The following CAPN1 variants were observed in gnomAD, a reference collection of about 807,000 sequenced individuals.
The protein encoded by CAPN1 is calpain 1, also known as calpain-1 catalytic subunit.
Under a neutral mutation model 105.2 loss-of-function variants are expected in CAPN1, and 77 were observed. The ratio of observed to expected loss-of-function variants is 0.73; its 90% confidence interval spans 0.61 to 0.88. The LOEUF (loss-of-function observed/expected upper bound fraction) is 0.88, where lower values mean the gene tolerates loss of function less well. CAPN1 is among the 40% of genes least tolerant of loss of function. CAPN1 has a pLI of 0.00. For synonymous variants in CAPN1, 355 were observed against 388.8 expected (o/e 0.91, Z 1.02); for missense variants, 833 against 976.6 (o/e 0.85, Z 1.96).
chr11:65,205,905 CA>C (rs1471818845), intron 12 of CAPN1, 184 bp downstream of exon 12: 3 of 620,098 alleles, frequency 4.8e-6, no homozygotes, highest in Middle Eastern at 6.4e-4. Context: ...AGGGTCAGCA[CA>C]GGTAGTCAGT....
intron 6 of CAPN1, 90 bp downstream of exon 6, chr11:65,186,428 T>C: frequency 8.5e-7 from 1 of 1,175,972 alleles, no homozygotes; most frequent in Non-Finnish European, 1.2e-6. Context: ...CAGGCTCCGC[T>C]CCAGACCCTG....
Position 65,204,727 on chromosome 11 carries a change from A to T in CAPN1, c.1210A>T (p.Thr404Ser). Residue 404 changes from threonine to serine, a missense_variant, in exon 11 of 22, where the codon ACG becomes TCG. Thr to Ser is a moderately conservative substitution (Grantham distance 58). Coordinates refer to ENST00000279247, the MANE Select transcript of CAPN1 (RefSeq NM_005186.4). ...TCAGTTCAAGATCCGGCTGGATGAG[A>T]CGGATGACCCGGACGACTACGGGGA... ...NPQFKIRLDETDDPDDYGDRE... is the reference protein window; with the variant it reads ...NPQFKIRLDESDDPDDYGDRE... 1 of 1,613,130 alleles carries T rather than the reference A, an allele frequency of 6.2e-7. No individual in the cohort carries two copies. The highest frequency in any genetic ancestry group is 2.2e-5 in the East Asian group (1 of 44,870).
chr11:65,208,580 C>A lies in CAPN1; in HGVS notation c.1729+318C>A. The A allele has an allele frequency of 2.2e-6, 1 of 451,604 alleles. No homozygotes were observed. Among genetic ancestry groups the A allele is most frequent in the Non-Finnish European group, 4.1e-6 (1 of 242,932 alleles). The allele number at this position is 451,604 out of a possible 1,614,324, so 28.0% of individuals were successfully genotyped here. On this transcript the variant is annotated intron_variant, in intron 16 of 21. Coordinates refer to ENST00000279247, the MANE Select transcript of CAPN1 (RefSeq NM_005186.4). The surrounding 1 kb of genome is among the most constrained non-coding windows in gnomAD (Gnocchi z 4.1). ...GTCGCTTCAGCCCAGGAGTTCAACACCAGCCTGGACAATATGGAGAGACCC... is the reference window on the plus strand; with the variant it reads ...GTCGCTTCAGCCCAGGAGTTCAACAACAGCCTGGACAATATGGAGAGACCC...
chr11:65,181,588 C>T (rs767612177), upstream of CAPN1: 11 of 415,770 alleles, frequency 2.6e-5, no homozygotes, highest in South Asian at 1.7e-4. This position sits in a 1 kb window ranked among gnomAD's most constrained non-coding sequence, Gnocchi z 4.6. Context: ...CCCTGCAACT[C>T]GAGCTGCTGC....
chr11:65,205,703 A>G lies in CAPN1; in HGVS notation c.1342-7A>G, dbSNP rs1948946230. Reference sequence around the variant, plus strand: ...CATCTCTGACTTCCCCTGTCTCTCTATTGCAGGTCCCTCCGGAGGTAGGTG... The same window carrying G: ...CATCTCTGACTTCCCCTGTCTCTCTGTTGCAGGTCCCTCCGGAGGTAGGTG... On this transcript the variant is annotated splice_polypyrimidine_tract_variant and splice_region_variant and intron_variant, in intron 11 of 21. Transcript: ENST00000279247. The G allele has an allele frequency of 1.2e-6, 2 of 1,613,400 alleles. No homozygotes were observed. Among genetic ancestry groups the G allele is most frequent in the East Asian group, 2.2e-5 (1 of 44,866 alleles).
rs1949018210 is a variant in CAPN1, at chr11:65,209,889, T to G, written c.1835T>G (p.Ile612Ser). The G allele has an allele frequency of 6.2e-7, 1 of 1,613,496 alleles. No individual in the cohort carries two copies. ...AAGCTGGGCCTGGTGGAGTTCAACATCCTGTGGAACCGCATCCGGAATTAC... is the reference window on the plus strand; with the variant it reads ...AAGCTGGGCCTGGTGGAGTTCAACAGCCTGTGGAACCGCATCCGGAATTAC... The part of the protein sequence containing the change: ...NGKLGLVEFN[I>S]LWNRIRNYLS... Residue 612 changes from isoleucine to serine, a missense_variant, in exon 18 of 22, where the codon ATC (isoleucine) becomes AGC (serine). Transcript: ENST00000279247. This position sits in a 1 kb window ranked among gnomAD's most constrained non-coding sequence, Gnocchi z 4.1.
At position 65,206,811 on chromosome 11, in the gene CAPN1, C is replaced by T. The variant is rs150244086; in HGVS notation, c.1597C>T (p.Pro533Ser). 1.9e-3 allele frequency: 3,119 copies of T among 1,612,332 alleles called. 4 individuals are homozygous for T. The highest frequency in any genetic ancestry group is 3.3e-3 in the Middle Eastern group (20 of 6,056). Residue 533 changes from proline to serine, a missense_variant, in exon 14 of 22, where the codon CCC becomes TCC. Transcript: ENST00000279247. ...ELDDQIQANL[P>S]DEQVLSEEEI... The stretch of plus-strand genomic sequence containing the variant: ...GGATGACCAGATCCAGGCCAATCTC[C>T]CCGATGAGGTGCGTGGTCCCACCCC...
intron 10 of CAPN1, among the ~76,000 whole-genome samples, chr11:65,190,030 C>T (rs1330239248): frequency 6.6e-6 from 1 of 152,200 alleles, no homozygotes; most frequent in Admixed American, 6.5e-5. Flanking sequence ...GCAGAACAGT[C>T]CCTGTTCATG....
intron 6 of CAPN1, among the ~76,000 whole-genome samples, chr11:65,186,901 G>A (rs1179219414): frequency 6.6e-6 from 1 of 152,202 alleles, no homozygotes; most frequent in Non-Finnish European, 1.5e-5. Flanking sequence ...GCTCTGGTGG[G>A]CTGTGCACGG....
At chr11:65,184,369 C>A (rs1268497957) in intron 4 of CAPN1, among the ~76,000 whole-genome samples, 1 of 152,146 alleles carries the variant, frequency 6.6e-6, no homozygotes, top group East Asian at 1.9e-4. Context: ...GCAGTCTCGC[C>A]CCCTTCCCTC....
chr11:65,205,650 A>C, intron 11 of CAPN1, 60 bp from the exon 12 acceptor site: 2 of 1,570,168 alleles, frequency 1.3e-6, no homozygotes, highest in South Asian at 1.1e-5. Context: ...CCCAGCATGC[A>C]CTGTGACCCC....
At chr11:65,207,086 C>T (rs1333694389) in intron 14 of CAPN1, among the ~76,000 whole-genome samples, 2 of 152,182 alleles carry the variant, frequency 1.3e-5, no homozygotes, top group Non-Finnish European at 2.9e-5. Flanking sequence ...CATTTCCTCC[C>T]CACATCAACC....
Position 65,208,626 on chromosome 11 carries a change from A to C in CAPN1, c.1729+364A>C. 1 of 354,006 alleles carries C rather than the reference A, an allele frequency of 2.8e-6. No homozygotes were observed. Among genetic ancestry groups the C allele is most frequent in the East Asian group, 6.8e-5 (1 of 14,750 alleles). 21.9% of individuals were successfully genotyped at this position (354,006 alleles called of 1,614,324 possible). ...GACCCTGTCTCTGCAAAAAAGTACAAAAATTAGCTGGGCGTGGTGGCATGC... is the reference window on the plus strand; with the variant it reads ...GACCCTGTCTCTGCAAAAAAGTACACAAATTAGCTGGGCGTGGTGGCATGC... On this transcript the variant is annotated intron_variant, in intron 16 of 21. Coordinates refer to ENST00000279247, the MANE Select transcript of CAPN1 (RefSeq NM_005186.4). The surrounding 1 kb of genome is among the most constrained non-coding windows in gnomAD (Gnocchi z 4.1).
At position 65,209,184 on chromosome 11, in the gene CAPN1, C is replaced by G. The variant is rs1202091249; in HGVS notation, c.1730-139C>G. 2 of 674,250 alleles carry G rather than the reference C, an allele frequency of 3.0e-6. No homozygotes were observed. Among genetic ancestry groups the G allele is most frequent in the Non-Finnish European group, 5.4e-6 (2 of 367,278 alleles). 41.8% of individuals were successfully genotyped at this position (674,250 alleles called of 1,614,324 possible). On this transcript the variant is annotated intron_variant, in intron 16 of 21. Coordinates refer to ENST00000279247, the MANE Select transcript of CAPN1 (RefSeq NM_005186.4). This position sits in a 1 kb window ranked among gnomAD's most constrained non-coding sequence, Gnocchi z 4.1. ...GTACTTCCTGATGATACAAACAATCCTGCCCACTTCCTCTGCCAGATATTG... is the reference window on the plus strand; with the variant it reads ...GTACTTCCTGATGATACAAACAATCGTGCCCACTTCCTCTGCCAGATATTG...
In CAPN1 at chr11:65,211,000, C is replaced by T; in HGVS notation, c.2118+128C>T. 1.1e-6 allele frequency: 1 copy of T among 879,130 alleles called. No individual in the cohort carries two copies. The highest frequency in any genetic ancestry group is 1.9e-6 in the Non-Finnish European group (1 of 534,966). The allele number at this position is 879,130 out of a possible 1,614,324, so 54.5% of individuals were successfully genotyped here. A position where few individuals can be genotyped will look rare whatever the true frequency, so the allele number is the denominator to read the frequency against. On this transcript the variant is annotated intron_variant, in intron 21 of 21. Transcript: ENST00000279247. The surrounding 1 kb of genome is among the most constrained non-coding windows in gnomAD (Gnocchi z 4.3). ...TCAGAGCCAACCCTGAAGCCCGGGCCACCTGAATCCTGAAAGGCTGGGGTG... is the reference window on the plus strand; with the variant it reads ...TCAGAGCCAACCCTGAAGCCCGGGCTACCTGAATCCTGAAAGGCTGGGGTG...
Position 65,209,545 on chromosome 11 carries a change from G to A in CAPN1, c.1794+158G>A, listed in dbSNP as rs1301477752. ...CAGATGTCTCCCTGGACGTCTTCCTGTTGGTTGGGAGGGAGAAACTGAGGC... is the reference window on the plus strand; with the variant it reads ...CAGATGTCTCCCTGGACGTCTTCCTATTGGTTGGGAGGGAGAAACTGAGGC... On this transcript the variant is annotated intron_variant, in intron 17 of 21. Coordinates refer to ENST00000279247, the MANE Select transcript of CAPN1 (RefSeq NM_005186.4). The surrounding 1 kb of genome is among the most constrained non-coding windows in gnomAD (Gnocchi z 4.1). 1.1e-5 allele frequency: 8 copies of A among 708,528 alleles called. No homozygotes were observed. Among genetic ancestry groups the A allele is most frequent in the Non-Finnish European group, 1.7e-5 (7 of 403,300 alleles). 43.9% of individuals were successfully genotyped at this position (708,528 alleles called of 1,614,324 possible).
At chr11:65,187,433 C>T in intron 7 of CAPN1, 135 bp downstream of exon 7, 1 of 643,286 alleles carries the variant, frequency 1.6e-6, no homozygotes, top group East Asian at 2.7e-5. Flanking sequence ...TATCTCTCTT[C>T]TGGGGACACC....
intron 6 of CAPN1, among the ~76,000 whole-genome samples, 157 bp downstream of exon 6, chr11:65,186,495 C>A (rs572385471): frequency 4.6e-5 from 7 of 152,050 alleles, no homozygotes; most frequent in Non-Finnish European, 8.8e-5. Context: ...TCACTTCCAC[C>A]CCCCATGCCT....
At chr11:65,199,765 A>G (rs1271272856) in intron 10 of CAPN1, among the ~76,000 whole-genome samples, 1 of 152,236 alleles carries the variant, frequency 6.6e-6, no homozygotes, top group Non-Finnish European at 1.5e-5. Flanking sequence ...GATGTAATGG[A>G]TCTTTTCAAA....
Sources: allele counts gnomAD v4.1 joint callset (sites outside exome capture counted in the v4.1 genomes callset), GRCh38; gene constraint gnomAD v4.1.1; non-coding constraint Gnocchi (gnomAD v3.1); transcripts MANE v1.5; gene names NCBI Gene and HGNC (gene_info 2026-07-23, HGNC 2026-07-21).